Variants in THSD7A observed in about 807,000 individuals in gnomAD.
The protein encoded by THSD7A is thrombospondin type-1 domain-containing protein 7A.
A neutral mutation model predicts 231.3 loss-of-function variants in THSD7A; 96 were observed. The observed-to-expected ratio is 0.41, with a 90% CI of 0.35 to 0.49. The LOEUF (loss-of-function observed/expected upper bound fraction) is 0.49, where lower values mean the gene tolerates loss of function less well. Ranked by LOEUF, THSD7A falls within the 20% of genes least tolerant of loss-of-function variation. The pLI is 0.05. For synonymous variants in THSD7A, 940 were observed against 743.3 expected, an observed-to-expected ratio of 1.26 and a Z score of -4.30; for missense variants, 2,290 against 2,070.2, an observed-to-expected ratio of 1.11 and a Z score of -2.06.
At chr7:11,777,111 G>A (rs904395427) in intron 1 of THSD7A, among the ~76,000 whole-genome samples, 4 of 152,024 alleles carry the variant, frequency 2.6e-5, no homozygotes, top group Non-Finnish European at 5.9e-5. Context: ...GATAATGTGC[G>A]AGCGAAAAAT....
At chr7:11,468,379 T>A (rs1785794663) in intron 9 of THSD7A, among the ~76,000 whole-genome samples, 2 of 151,656 alleles carry the variant, frequency 1.3e-5, no homozygotes, top group African/African-American at 4.8e-5. Context: ...TGACCGGTGT[T>A]ATTCAGCTTA....
intron 6 of THSD7A, among the ~76,000 whole-genome samples, chr7:11,515,805 GT>G (rs887559223): frequency 5.3e-5 from 8 of 152,038 alleles, no homozygotes; most frequent in African/African-American, 1.9e-4. Context: ...TAATATCTTG[GT>G]TGTATCTTAC....
chr7:11,390,169 G>A (rs936220476), intron 23 of THSD7A, among the ~76,000 whole-genome samples: 4 of 152,148 alleles, frequency 2.6e-5, no homozygotes, highest in Admixed American at 1.3e-4. Context: ...TGTCTTGCTA[G>A]GTTGGGGAAG....
intron 1 of THSD7A, among the ~76,000 whole-genome samples, chr7:11,804,322 G>A (rs1330615983): frequency 2.0e-5 from 3 of 152,090 alleles, no homozygotes; most frequent in Non-Finnish European, 4.4e-5. Context: ...ATTAAAATAT[G>A]TAATGCTAAG....
intron 1 of THSD7A, among the ~76,000 whole-genome samples, chr7:11,683,978 C>A (rs754719759): frequency 1.3e-5 from 2 of 151,894 alleles, no homozygotes; most frequent in Admixed American, 6.6e-5. Flanking sequence ...TGCAAATATC[C>A]TCTACAAAAT....
rs541573289 is a variant in THSD7A at position 11,780,922 on chromosome 7, C to T, written c.190+50835G>A. ...AGGAGAATGGCGTGAACCCGGGAAGCGGAGCTTGCAGTGAGCCGAGATTGC... is the reference window on the plus strand; with the variant it reads ...AGGAGAATGGCGTGAACCCGGGAAGTGGAGCTTGCAGTGAGCCGAGATTGC... On this transcript the variant is annotated intron_variant, in intron 1 of 27. Transcript: ENST00000423059. Among the ~76,000 whole-genome samples the T allele has an allele frequency of 7.8e-5, 10 of 128,552 alleles. No homozygotes were observed. In the South Asian group the frequency reaches 2.1e-3, roughly 27 times the overall value. The allele number at this position is 128,552 out of a possible 152,430, so 84.3% of individuals were successfully genotyped here. A position where few individuals can be genotyped will look rare whatever the true frequency, so the allele number is the denominator to read the frequency against.
Position 11,797,445 on chromosome 7 carries a change from C to T in THSD7A, c.190+34312G>A, listed in dbSNP as rs540296616. Among the ~76,000 whole-genome samples the T allele has an allele frequency of 1.1e-4, 13 of 119,330 alleles. No individual in the cohort carries two copies. The East Asian group carries it at 2.8e-3, about 25-fold the overall frequency. The allele number at this position is 119,330 out of a possible 152,430, so 78.3% of individuals were successfully genotyped here. A position where few individuals can be genotyped will look rare whatever the true frequency, so the allele number is the denominator to read the frequency against. The stretch of plus-strand genomic sequence containing the variant: ...TTTTTTTTTTTTTTTCAGACAGGGT[C>T]GTGTTCTGTAACCCACGCTGGAGTG... On this transcript the variant is annotated intron_variant, in intron 1 of 27. Coordinates refer to ENST00000423059, the MANE Select transcript of THSD7A (RefSeq NM_015204.3).
chr7:11,512,112 A>G (rs1307766033), intron 6 of THSD7A, among the ~76,000 whole-genome samples: 1 of 152,206 alleles, frequency 6.6e-6, no homozygotes, highest in Non-Finnish European at 1.5e-5. Context: ...ACCCCATCAA[A>G]AAGTAGGCGA....
At chr7:11,535,246 A>G (rs1465303077) in intron 6 of THSD7A, among the ~76,000 whole-genome samples, 1 of 152,172 alleles carries the variant, frequency 6.6e-6, no homozygotes, top group African/African-American at 2.4e-5. Context: ...AAGAACAAAG[A>G]ACATTGGTTC....
rs561108403 is a variant in THSD7A, at chr7:11,638,438, T to C, written c.191-1477A>G. 1.2e-4 allele frequency among the ~76,000 whole-genome samples: 19 copies of C among 152,324 alleles called. 1 individual carries two copies. In the South Asian group the frequency reaches 3.7e-3, roughly 30 times the overall value. The stretch of plus-strand genomic sequence containing the variant: ...TATATGAATAAAGAAATATAAAGAA[T>C]GTGCCTATCATATTTAATCTAAACA... On this transcript the variant is annotated intron_variant, in intron 1 of 27. Transcript: ENST00000423059.
chr7:11,438,398 G>T (rs574615304), intron 13 of THSD7A, among the ~76,000 whole-genome samples: 1 of 152,002 alleles, frequency 6.6e-6, no homozygotes, highest in Non-Finnish European at 1.5e-5. Context: ...GTGCAAACTG[G>T]TATGAAAGCA....
intron 11 of THSD7A, among the ~76,000 whole-genome samples, chr7:11,449,806 A>G (rs1785087383): frequency 6.6e-6 from 1 of 152,024 alleles, no homozygotes; most frequent in Non-Finnish European, 1.5e-5. Flanking sequence ...TCATGGACAA[A>G]GTTGCCCCAA....
intron 14 of THSD7A, among the ~76,000 whole-genome samples, chr7:11,428,425 A>C (rs1347192057): frequency 6.6e-6 from 1 of 152,172 alleles, no homozygotes; most frequent in Non-Finnish European, 1.5e-5. Context: ...TCAATGACTA[A>C]ATTGATAGCA....
intron 6 of THSD7A, among the ~76,000 whole-genome samples, chr7:11,526,546 G>A (rs752314734): frequency 6.6e-6 from 1 of 152,190 alleles, no homozygotes; most frequent in African/African-American, 2.4e-5. Context: ...TAATGCAGGT[G>A]TAATGCCTGC....
chr7:11,808,674 C>T (rs1379788403), intron 1 of THSD7A, among the ~76,000 whole-genome samples: 2 of 152,038 alleles, frequency 1.3e-5, no homozygotes, highest in African/African-American at 2.4e-5. Flanking sequence ...CCGGTTTGGT[C>T]ATGTAAACTA....
At chr7:11,379,757 A>T in intron 24 of THSD7A, 45 bp from the exon 25 acceptor site, 1 of 1,528,496 alleles carries the variant, frequency 6.5e-7, no homozygotes. Flanking sequence ...ATATTTTGCT[A>T]TGATGAAAAT....
At chr7:11,519,184 T>A (rs1788158950) in intron 6 of THSD7A, among the ~76,000 whole-genome samples, 1 of 152,104 alleles carries the variant, frequency 6.6e-6, no homozygotes, top group African/African-American at 2.4e-5. Flanking sequence ...ATTCAGTTAT[T>A]ATCACAAAGC....
rs559103523 is a variant in THSD7A at position 11,666,476 on chromosome 7, G to C, written c.191-29515C>G. Among the ~76,000 whole-genome samples, 27 of 151,812 alleles carry C rather than the reference G, an allele frequency of 1.8e-4. 1 individual carries two copies. In the East Asian group the frequency reaches 3.7e-3, roughly 21 times the overall value. ...TGGATTTTGGAGCATTTTGGATTAG[G>C]GATGCTCCACCTGTATTATAATTTA... On this transcript the variant is annotated intron_variant, in intron 1 of 27. Coordinates refer to ENST00000423059, the MANE Select transcript of THSD7A (RefSeq NM_015204.3).
intron 24 of THSD7A, 37 bp downstream of exon 24, chr7:11,382,484 A>T: frequency 1.3e-6 from 2 of 1,499,440 alleles, no homozygotes; most frequent in Non-Finnish European, 1.9e-6. Context: ...GTGTTACAGG[A>T]AGATTTTCAA....
Sources: allele counts gnomAD v4.1 joint callset (sites outside exome capture counted in the v4.1 genomes callset), GRCh38; gene constraint gnomAD v4.1.1; transcripts MANE v1.5; gene names NCBI Gene and HGNC (gene_info 2026-07-23, HGNC 2026-07-21).